The following ATP8A2 variants were observed in gnomAD, a reference collection of about 807,000 sequenced individuals.
The protein encoded by ATP8A2 is phospholipid-transporting ATPase IB.
A neutral mutation model predicts 165.6 loss-of-function variants in ATP8A2; 100 were observed. That is an observed-to-expected ratio of 0.60 (90% CI 0.51 to 0.71). The LOEUF (loss-of-function observed/expected upper bound fraction) is 0.71, where lower values mean the gene tolerates loss of function less well. Ranked by LOEUF, ATP8A2 falls within the 30% of genes least tolerant of loss-of-function variation. The pLI, the probability that ATP8A2 is intolerant of heterozygous loss-of-function variation, is 0.00. For missense variants in ATP8A2, 1,227 were observed against 1,479.5 expected (o/e 0.83, Z 2.80); for synonymous variants, 543 against 548.8 (o/e 0.99, Z 0.15).
At chr13:25,397,459 G>A (rs554009520) in intron 1 of ATP8A2, among the ~76,000 whole-genome samples, 9 of 152,208 alleles carry the variant, frequency 5.9e-5, no homozygotes, top group East Asian at 1.9e-4. Flanking sequence ...CTAATAAGGC[G>A]TGGAGGGGTC....
chr13:25,837,435 A>G (rs1202641111), intron 29 of ATP8A2, 150 bp downstream of exon 29: 7 of 454,052 alleles, frequency 1.5e-5, no homozygotes, highest in Non-Finnish European at 1.9e-5. Flanking sequence ...ACACACACAC[A>G]CACACACACA....
At chr13:25,609,544 TATATATATATATATTTGGATTCAA>T (rs1256576044) in intron 24 of ATP8A2, among the ~76,000 whole-genome samples, 2 of 144,484 alleles carry the variant, frequency 1.4e-5, no homozygotes, top group South Asian at 2.1e-4. Context: ...GGGATTCAAA[TATATATATATATATTTGGATTCAA>T]ATATATATAT....
At chr13:25,917,469 GT>G (rs1954302093) in intron 33 of ATP8A2, among the ~76,000 whole-genome samples, 1 of 152,214 alleles carries the variant, frequency 6.6e-6, no homozygotes, top group Admixed American at 6.5e-5. Context: ...CCCTGAAGGG[GT>G]TTTTATAGTC....
At chr13:25,451,852 G>GTTTTTTT (rs67427237) in intron 1 of ATP8A2, among the ~76,000 whole-genome samples, 4 of 146,800 alleles carry the variant, frequency 2.7e-5, no homozygotes, top group Non-Finnish European at 3.0e-5. Context: ...TACCTTCATG[G>GTTTTTTT]TTTTTTTTTT....
intron 33 of ATP8A2, among the ~76,000 whole-genome samples, chr13:25,944,303 T>G (rs1419100063): frequency 6.6e-6 from 1 of 152,160 alleles, no homozygotes; most frequent in Non-Finnish European, 1.5e-5. Flanking sequence ...GGTCAGGAGT[T>G]TGAGACCAGC....
intron 27 of ATP8A2, among the ~76,000 whole-genome samples, chr13:25,827,858 A>C (rs1202146266): frequency 6.6e-6 from 1 of 152,272 alleles, no homozygotes; most frequent in Non-Finnish European, 1.5e-5. Flanking sequence ...AATGCAAATT[A>C]AATCTATTTT....
chr13:25,672,996 C>A (rs1315699564), intron 24 of ATP8A2, among the ~76,000 whole-genome samples: 1 of 152,082 alleles, frequency 6.6e-6, no homozygotes, highest in Non-Finnish European at 1.5e-5. Context: ...AGACAAGAAC[C>A]TTTGGTCAGC....
chr13:25,896,604 C>T (rs1208606859), intron 33 of ATP8A2, among the ~76,000 whole-genome samples: 3 of 152,102 alleles, frequency 2.0e-5, no homozygotes, highest in Admixed American at 6.6e-5. Flanking sequence ...CCTTCTGTCT[C>T]GTTGATCTGT....
intron 2 of ATP8A2, among the ~76,000 whole-genome samples, chr13:25,490,242 G>C (rs956612701): frequency 2.6e-5 from 4 of 152,200 alleles, no homozygotes; most frequent in African/African-American, 9.7e-5. Context: ...GAGAAACTCC[G>C]AGCAGCCTCC....
chr13:25,430,308 GC>G (rs2034572669), intron 1 of ATP8A2, among the ~76,000 whole-genome samples: 1 of 152,066 alleles, frequency 6.6e-6, no homozygotes, highest in African/African-American at 2.4e-5. Context: ...ACATGGGGGG[GC>G]CCGTGTGGAG....
intron 35 of ATP8A2, among the ~76,000 whole-genome samples, chr13:26,003,454 A>G (rs1437700698): frequency 2.0e-5 from 3 of 151,326 alleles, no homozygotes; most frequent in African/African-American, 7.3e-5. Context: ...GCTTGCAAAT[A>G]TTTTCTCTCA....
chr13:25,635,347 G>A (rs545039375), intron 24 of ATP8A2, among the ~76,000 whole-genome samples: 5 of 152,252 alleles, frequency 3.3e-5, no homozygotes, highest in South Asian at 2.1e-4. Flanking sequence ...AACAGAAATC[G>A]CCATAGTTTG....
intron 7 of ATP8A2, among the ~76,000 whole-genome samples, chr13:25,539,936 A>G (rs2038416107): frequency 6.6e-6 from 1 of 152,290 alleles, no homozygotes; most frequent in South Asian, 2.1e-4. Flanking sequence ...TCTACTGGCC[A>G]TGCCTTGGGC....
chr13:26,016,549 C>T (rs542939035), intron 36 of ATP8A2, among the ~76,000 whole-genome samples: 2 of 152,262 alleles, frequency 1.3e-5, no homozygotes, highest in African/African-American at 4.8e-5. Flanking sequence ...AAAGAAAAGG[C>T]TTTTGCACCT....
intron 25 of ATP8A2, among the ~76,000 whole-genome samples, chr13:25,758,878 C>A (rs1238957705): frequency 1.3e-5 from 2 of 152,046 alleles, no homozygotes; most frequent in East Asian, 3.9e-4. Context: ...GCTTGTTAAA[C>A]AGTCTTTGGG....
In ATP8A2 at chr13:25,994,109, T is replaced by C. The variant is rs185783094; in HGVS notation, c.3378-18422T>C. ...TATTTTTGAACGATCCCAAATTGCA[T>C]TGTATTTTAAATTTTAGCATCTGTG... is the stretch of plus-strand genomic sequence containing the variant. On this transcript the variant is annotated intron_variant, in intron 35 of 36. Transcript: ENST00000381655. Among the ~76,000 whole-genome samples the C allele has an allele frequency of 2.5e-4, 38 of 152,322 alleles. No individual in the cohort carries two copies. The South Asian group carries it at 2.7e-3, about 11-fold the overall frequency.
intron 24 of ATP8A2, among the ~76,000 whole-genome samples, chr13:25,637,487 A>C (rs1390014206): frequency 1.3e-5 from 2 of 152,202 alleles, no homozygotes; most frequent in Non-Finnish European, 1.5e-5. Flanking sequence ...AGAGGGTCCC[A>C]CGCCCACAGA....
chr13:25,453,423 G>GT lies in ATP8A2; in HGVS notation c.77-15553dup, dbSNP rs1442124797. Among the ~76,000 whole-genome samples, 6 of 152,230 alleles carry GT rather than the reference G, an allele frequency of 3.9e-5. No homozygotes were observed. The South Asian group carries it at 6.2e-4, about 16-fold the overall frequency. ...GAACTTTTCTTAATGACTCAAGATG[G>GT]TAAGTGTGAATGCCAGGGATTACAT... On this transcript the variant is annotated intron_variant, in intron 1 of 36. Coordinates refer to ENST00000381655, the MANE Select transcript of ATP8A2 (RefSeq NM_016529.6).
intron 2 of ATP8A2, among the ~76,000 whole-genome samples, chr13:25,506,109 C>T (rs890436681): frequency 1.3e-5 from 2 of 152,138 alleles, no homozygotes; most frequent in African/African-American, 4.8e-5. Flanking sequence ...AGGACAGTTA[C>T]GTTTAGCTTT....
Sources: gnomAD v4.1 joint callset for allele counts (sites outside exome capture counted in the v4.1 genomes callset) on GRCh38, gnomAD v4.1.1 for gene constraint, MANE v1.5 for transcripts, NCBI Gene and HGNC (gene_info 2026-07-23, HGNC 2026-07-21) for gene names.